The following PHACTR2 variants were observed in gnomAD, a reference collection of about 807,000 sequenced individuals.
The protein encoded by PHACTR2 is chromosome 6 open reading frame 56.
A neutral mutation model predicts 76.0 loss-of-function variants in PHACTR2; 30 were observed. The observed-to-expected ratio is 0.39, with a 90% CI of 0.30 to 0.54. The LOEUF (loss-of-function observed/expected upper bound fraction) is 0.54, where lower values mean the gene tolerates loss of function less well. Among genes scored for constraint, PHACTR2 ranks in the 20% least tolerant of loss-of-function variants. PHACTR2 has a pLI of 0.61. For missense variants in PHACTR2, 696 were observed against 781.1 expected, an observed-to-expected ratio of 0.89 and a Z score of 1.30; for synonymous variants, 292 against 292.5, an observed-to-expected ratio of 1.00 and a Z score of 0.02.
rs117060819 is a variant in PHACTR2, at chr6:143,780,289, T to C, written c.1645+2906T>C. Among the ~76,000 whole-genome samples the C allele has an allele frequency of 9.0e-3, 1,372 of 152,272 alleles. 11 individuals are homozygous for C. Among genetic ancestry groups the C allele is most frequent in the Non-Finnish European group, 0.015 (1,052 of 68,024 alleles). On this transcript the variant is annotated intron_variant, in intron 9 of 12. Transcript: ENST00000440869. This position sits in a 1 kb window ranked among gnomAD's most constrained non-coding sequence, Gnocchi z 4.4. ...CCAGCTTTTTTTAATGCACTTTAAG[T>C]TTATGTGTGTCTTTTTCATTTGCTA... is the stretch of plus-strand genomic sequence containing the variant.
chr6:143,787,247 G>C lies in PHACTR2; in HGVS notation c.1708-1526G>C, dbSNP rs1775577692. Among the ~76,000 whole-genome samples, 2 of 152,214 alleles carry C rather than the reference G, an allele frequency of 1.3e-5. No individual in the cohort carries two copies. Among genetic ancestry groups the C allele is most frequent in the African/African-American group, 4.8e-5 (2 of 41,460 alleles). Reference sequence around the variant, plus strand: ...AGTCCTGAGGACAAGACTGGATGGAGAATTTCTAACCTATATTGCCATTGG... The same window carrying C: ...AGTCCTGAGGACAAGACTGGATGGACAATTTCTAACCTATATTGCCATTGG... On this transcript the variant is annotated intron_variant, in intron 10 of 12. Transcript: ENST00000440869. This position sits in a 1 kb window ranked among gnomAD's most constrained non-coding sequence, Gnocchi z 4.6.
Position 143,738,137 on chromosome 6 carries a change from C to G in PHACTR2, c.215-10848C>G, listed in dbSNP as rs59283655. On this transcript the variant is annotated intron_variant, in intron 2 of 12. Transcript: ENST00000440869. This position sits in a 1 kb window ranked among gnomAD's most constrained non-coding sequence, Gnocchi z 4.0. The stretch of plus-strand genomic sequence containing the variant: ...TAAAGATTATACATTTTTGGCCAGG[C>G]GCTGTGGCCCACGCCTGTAATCCTA... Among the ~76,000 whole-genome samples, 2 of 152,086 alleles carry G rather than the reference C, an allele frequency of 1.3e-5. No individual in the cohort carries two copies. Among genetic ancestry groups the G allele is most frequent in the African/African-American group, 4.8e-5 (2 of 41,382 alleles).
chr6:143,573,337 T>G (rs1031439841), intron 1 of PHACTR2, among the ~76,000 whole-genome samples: 1 of 152,194 alleles, frequency 6.6e-6, no homozygotes, highest in Non-Finnish European at 1.5e-5. Context: ...CTTGATCCAA[T>G]TCAGGCCATC....
At chr6:143,601,312 A>G (rs1204787344) in intron 1 of PHACTR2, among the ~76,000 whole-genome samples, 2 of 152,184 alleles carry the variant, frequency 1.3e-5, no homozygotes, top group Non-Finnish European at 2.9e-5. Context: ...GATGGCCTTT[A>G]GATCTGTACA....
intron 1 of PHACTR2, among the ~76,000 whole-genome samples, chr6:143,645,126 A>T (rs1776636577): frequency 6.6e-6 from 1 of 152,138 alleles, no homozygotes; most frequent in African/African-American, 2.4e-5. Flanking sequence ...CTACTATTTG[A>T]TCCAGCAACC....
At chr6:143,735,177 C>A (rs185969213) in intron 2 of PHACTR2, among the ~76,000 whole-genome samples, 2 of 152,152 alleles carry the variant, frequency 1.3e-5, no homozygotes, top group Non-Finnish European at 2.9e-5. Flanking sequence ...CAAGCCTAGA[C>A]TGTAAGTTTT....
intron 12 of PHACTR2, among the ~76,000 whole-genome samples, chr6:143,814,595 C>CTTTTTTTTTTTTT (rs61652528): frequency 2.8e-5 from 3 of 108,418 alleles, no homozygotes; most frequent in African/African-American, 1.1e-4. Flanking sequence ...GACATACACA[C>CTTTTTTTTTTTTT]TTTTTTTTTT....
Position 143,811,538 on chromosome 6 carries a change from A to G in PHACTR2, c.1922+4405A>G, listed in dbSNP as rs947895920. ...CAGCTAATATCAAGGGTAAATTTTA[A>G]AAGTTCTCCAAAACATAAATTGATT... On this transcript the variant is annotated intron_variant, in intron 12 of 12. Coordinates refer to ENST00000440869, the MANE Select transcript of PHACTR2 (RefSeq NM_001100164.2). The surrounding 1 kb of genome is among the most constrained non-coding windows in gnomAD (Gnocchi z 4.1). 2.0e-5 allele frequency among the ~76,000 whole-genome samples: 3 copies of G among 152,218 alleles called. No homozygotes were observed. The highest frequency in any genetic ancestry group is 7.2e-5 in the African/African-American group (3 of 41,456).
intron 1 of PHACTR2, among the ~76,000 whole-genome samples, chr6:143,711,273 T>G (rs889518227): frequency 2.4e-4 from 37 of 152,370 alleles, no homozygotes; most frequent in African/African-American, 8.2e-4. Context: ...CTGGCCTGCT[T>G]CCAGTTCTTT....
intron 1 of PHACTR2, among the ~76,000 whole-genome samples, chr6:143,661,782 C>T (rs1455395068): frequency 2.0e-5 from 3 of 152,016 alleles, no homozygotes; most frequent in Non-Finnish European, 1.5e-5. Context: ...ATGTCGAACT[C>T]CTGGCCTCAT....
At chr6:143,773,728 C>A (rs1775206518) in intron 7 of PHACTR2, among the ~76,000 whole-genome samples, 1 of 152,140 alleles carries the variant, frequency 6.6e-6, no homozygotes, top group African/African-American at 2.4e-5. Flanking sequence ...GAAAAAGAAA[C>A]AGAATTGTGC....
intron 1 of PHACTR2, among the ~76,000 whole-genome samples, chr6:143,584,215 C>T (rs527492352): frequency 6.6e-6 from 1 of 152,280 alleles, no homozygotes; most frequent in Admixed American, 6.5e-5. Flanking sequence ...CTTCTTGGGG[C>T]TGTGGTTGTA....
rs1233633230 is a variant in PHACTR2 at position 143,647,469 on chromosome 6, A to G, written c.13+39147A>G. Among the ~76,000 whole-genome samples, 1 of 152,174 alleles carries G rather than the reference A, an allele frequency of 6.6e-6. No individual in the cohort carries two copies. Among genetic ancestry groups the G allele is most frequent in the Non-Finnish European group, 1.5e-5 (1 of 68,030 alleles). ...TGCCAGCTCCCAGTGTAGTCTAGGT[A>G]TACTATCCATGGTGAAGAGGACAGC... On this transcript the variant is annotated intron_variant, in intron 1 of 11. Coordinates refer to the PHACTR2 transcript ENST00000305766. The surrounding 1 kb of genome is among the most constrained non-coding windows in gnomAD (Gnocchi z 4.2).
chr6:143,824,571 C>T lies in PHACTR2; in HGVS notation c.*882C>T, dbSNP rs2128487955. 6.5e-6 allele frequency: 1 copy of T among 152,684 alleles called. No homozygotes were observed. The allele number at this position is 152,684 out of a possible 1,614,324, so 9.5% of individuals were successfully genotyped here. A position where few individuals can be genotyped will look rare whatever the true frequency, so the allele number is the denominator to read the frequency against. ...CAGAAATAAATCTTTTGATCTTTCC[C>T]TATCTTGATTAGATCCAAAGTCAAA... On this transcript the variant is annotated 3_prime_UTR_variant, in exon 13 of 13. Transcript: ENST00000440869. This position sits in a 1 kb window ranked among gnomAD's most constrained non-coding sequence, Gnocchi z 6.3.
At chr6:143,676,494 A>G (rs916879474), upstream of PHACTR2, among the ~76,000 whole-genome samples, 4 of 152,224 alleles carry the variant, frequency 2.6e-5, no homozygotes, top group Admixed American at 6.5e-5. The surrounding 1 kb of genome is among the most constrained non-coding windows in gnomAD (Gnocchi z 4.8). Context: ...AAAGACTGTC[A>G]AAAGGAAGAG....
intron 1 of PHACTR2, among the ~76,000 whole-genome samples, chr6:143,660,625 C>G (rs568362868): frequency 1.3e-5 from 2 of 152,282 alleles, no homozygotes; most frequent in African/African-American, 4.8e-5. Flanking sequence ...TGAGCACTTA[C>G]CCGTGCACTG....
chr6:143,761,056 C>T lies in PHACTR2; in HGVS notation c.694+416C>T, dbSNP rs1779430808. The stretch of plus-strand genomic sequence containing the variant: ...CTAAGGTTTGCATATAAAAATGTGA[C>T]AATTATAACTTTGATATATTTACTG... On this transcript the variant is annotated intron_variant, in intron 5 of 12. Coordinates refer to ENST00000440869, the MANE Select transcript of PHACTR2 (RefSeq NM_001100164.2). This position sits in a 1 kb window ranked among gnomAD's most constrained non-coding sequence, Gnocchi z 5.2. 6.6e-6 allele frequency among the ~76,000 whole-genome samples: 1 copy of T among 152,168 alleles called. No individual in the cohort carries two copies. The highest frequency in any genetic ancestry group is 2.4e-5 in the African/African-American group (1 of 41,446).
In PHACTR2 at chr6:143,710,963, A is replaced by G. The variant is rs1011328850; in HGVS notation, c.47-1053A>G. 1 of 492,818 alleles carries G rather than the reference A, an allele frequency of 2.0e-6. No individual in the cohort carries two copies. Among genetic ancestry groups the G allele is most frequent in the African/African-American group, 2.0e-5 (1 of 51,160 alleles). The allele number at this position is 492,818 out of a possible 1,614,324, so 30.5% of individuals were successfully genotyped here. ...CCAGTTATTATTTTTGACGGACATC[A>G]GTACACTTCACCTCTAAACACTTCA... On this transcript the variant is annotated intron_variant, in intron 1 of 12. Transcript: ENST00000440869. The surrounding 1 kb of genome is among the most constrained non-coding windows in gnomAD (Gnocchi z 4.9).
chr6:143,769,781 C>A (rs909580663), intron 6 of PHACTR2, among the ~76,000 whole-genome samples: 5 of 152,112 alleles, frequency 3.3e-5, no homozygotes, highest in Non-Finnish European at 7.4e-5. Context: ...TATTAATTGG[C>A]ATGTATTTTA....
Sources: gnomAD v4.1 joint callset for allele counts (sites outside exome capture counted in the v4.1 genomes callset) on GRCh38, gnomAD v4.1.1 for gene constraint, Gnocchi (gnomAD v3.1) non-coding constraint, MANE v1.5 for transcripts, NCBI Gene and HGNC (gene_info 2026-07-23, HGNC 2026-07-21) for gene names.